PID1: variants seen among roughly 807,000 people sequenced by gnomAD.
The protein encoded by PID1 is phosphotyrosine interaction domain containing 1.
A neutral mutation model predicts 19.1 loss-of-function variants in PID1; 10 were observed. The ratio of observed to expected loss-of-function variants is 0.52; its 90% CI spans 0.32 to 0.89. The LOEUF (loss-of-function observed/expected upper bound fraction) is 0.89, where lower values mean the gene tolerates loss of function less well. Among genes scored for constraint, PID1 ranks in the 40% least tolerant of loss-of-function variants. The probability of loss-of-function intolerance (pLI) is 0.03; values close to 1 mark genes in which losing one functional copy is unlikely to be tolerated. For missense variants in PID1, 248 were observed against 285.3 expected (o/e 0.87, Z 0.94); for synonymous variants, 130 against 116.0 (o/e 1.12, Z -0.78).
intron 2 of PID1, among the ~76,000 whole-genome samples, chr2:229,095,615 C>A (rs2106223186): frequency 6.6e-6 from 1 of 152,230 alleles, no homozygotes; most frequent in South Asian, 2.1e-4. Context: ...AAGCAAATTT[C>A]TTTTCATATC....
intron 1 of PID1, among the ~76,000 whole-genome samples, chr2:229,210,636 G>A (rs937976338): frequency 1.4e-5 from 2 of 138,470 alleles, no homozygotes; most frequent in Admixed American, 1.5e-4. Context: ...AAAATTCAAA[G>A]AATGTAGCTT....
At chr2:229,113,509 CATATAT>C (rs3067619) in intron 2 of PID1, among the ~76,000 whole-genome samples, 1 of 138,204 alleles carries the variant, frequency 7.2e-6, no homozygotes, top group Non-Finnish European at 1.5e-5. Flanking sequence ...TGTGTGTATA[CATATAT>C]ATATATATAT....
intron 1 of PID1, among the ~76,000 whole-genome samples, chr2:229,215,189 GT>G (rs1691819292): frequency 6.6e-6 from 1 of 152,216 alleles, no homozygotes; most frequent in Non-Finnish European, 1.5e-5. Context: ...GCAGAGGGGA[GT>G]GGTGGGCAGG....
intron 2 of PID1, among the ~76,000 whole-genome samples, chr2:229,073,912 A>T (rs1269336116): frequency 6.6e-6 from 1 of 152,258 alleles, no homozygotes; most frequent in East Asian, 1.9e-4. Flanking sequence ...CAGGGAAATC[A>T]GTATGTATAA....
intron 2 of PID1, among the ~76,000 whole-genome samples, chr2:229,084,674 A>G (rs1403987772): frequency 6.6e-6 from 1 of 152,214 alleles, no homozygotes; most frequent in African/African-American, 2.4e-5. Context: ...TATTTGTTGT[A>G]TGACCATTAA....
intron 1 of PID1, among the ~76,000 whole-genome samples, chr2:229,219,500 G>A (rs1295278392): frequency 6.6e-6 from 1 of 152,152 alleles, no homozygotes; most frequent in African/African-American, 2.4e-5. Context: ...CAAAATGTGG[G>A]GATTATGGGA....
intron 2 of PID1, among the ~76,000 whole-genome samples, chr2:229,077,428 C>T (rs922777280): frequency 6.6e-6 from 1 of 152,152 alleles, no homozygotes; most frequent in Non-Finnish European, 1.5e-5. Flanking sequence ...GTTGCAATTG[C>T]TTTTGATGTT....
chr2:229,244,213 G>A (rs993640697), intron 1 of PID1, among the ~76,000 whole-genome samples: 2 of 152,044 alleles, frequency 1.3e-5, no homozygotes, highest in African/African-American at 4.8e-5. Context: ...GACAAACCAG[G>A]ATCCCTTGTT....
At position 229,118,815 on chromosome 2, in the gene PID1, C is replaced by A. The variant is rs565125925; in HGVS notation, c.177+37003G>T. 2.0e-5 allele frequency among the ~76,000 whole-genome samples: 3 copies of A among 152,110 alleles called. No individual in the cohort carries two copies. In the East Asian group the frequency reaches 5.8e-4, roughly 29 times the overall value. On this transcript the variant is annotated intron_variant, in intron 2 of 2. Coordinates refer to ENST00000392055, the MANE Select transcript of PID1 (RefSeq NM_001100818.2). ...AGGATCTTTGCCAATGAAGTGCTGTCTTTTTGAACAAGAGAAAAAAAACAA... is the reference window on the plus strand; with the variant it reads ...AGGATCTTTGCCAATGAAGTGCTGTATTTTTGAACAAGAGAAAAAAAACAA...
intron 1 of PID1, among the ~76,000 whole-genome samples, chr2:229,229,173 A>T (rs2106265409): frequency 6.6e-6 from 1 of 152,296 alleles, no homozygotes. Flanking sequence ...AAGTGAATGA[A>T]GGAATAAATG....
intron 1 of PID1, among the ~76,000 whole-genome samples, chr2:229,221,541 T>C (rs1050643629): frequency 6.6e-6 from 1 of 152,292 alleles, no homozygotes; most frequent in Non-Finnish European, 1.5e-5. Flanking sequence ...TGTTCATCAA[T>C]GCCTCTTTCC....
intron 2 of PID1, among the ~76,000 whole-genome samples, chr2:229,131,209 TTCTTTTCTTTTC>T (rs1193974905): frequency 2.0e-5 from 3 of 151,924 alleles, no homozygotes; most frequent in African/African-American, 4.8e-5. Context: ...TTCTTTTCTT[TTCTTTTCTTTTC>T]TCTTTTCTTT....
intron 1 of PID1, among the ~76,000 whole-genome samples, chr2:229,199,491 A>G (rs1172682652): frequency 6.6e-6 from 1 of 151,940 alleles, no homozygotes; most frequent in Admixed American, 6.6e-5. Flanking sequence ...GCCAACTTTT[A>G]ATAAATGTGC....
At chr2:229,144,424 C>G (rs535165499) in intron 2 of PID1, among the ~76,000 whole-genome samples, 1 of 152,016 alleles carries the variant, frequency 6.6e-6, no homozygotes, top group Non-Finnish European at 1.5e-5. Context: ...GATAGTCATA[C>G]GCCAAATTTG....
At chr2:229,122,214 T>C (rs149764469) in intron 2 of PID1, among the ~76,000 whole-genome samples, 280 of 152,356 alleles carry the variant, frequency 1.8e-3, no homozygotes, top group African/African-American at 6.5e-3. Flanking sequence ...AGGTCTCTTT[T>C]GTAAAAAGTG....
At chr2:229,206,071 G>A (rs1342826502) in intron 1 of PID1, among the ~76,000 whole-genome samples, 1 of 152,086 alleles carries the variant, frequency 6.6e-6, no homozygotes, top group African/African-American at 2.4e-5. Context: ...TAGATCCTGT[G>A]TGCTTTGGGT....
intron 2 of PID1, among the ~76,000 whole-genome samples, chr2:229,106,004 G>A (rs904626723): frequency 5.3e-5 from 8 of 149,982 alleles, no homozygotes; most frequent in Admixed American, 1.3e-4. Context: ...GAGTGAACCC[G>A]GGAGGTGGAG....
At chr2:229,170,781 A>C (rs1347983962) in intron 1 of PID1, among the ~76,000 whole-genome samples, 1 of 152,228 alleles carries the variant, frequency 6.6e-6, no homozygotes, top group East Asian at 1.9e-4. Context: ...CAAGAAACAC[A>C]AAGCAACCTC....
chr2:229,210,139 TAAAAAAAA>T (rs752450558), intron 1 of PID1, among the ~76,000 whole-genome samples: 2 of 133,160 alleles, frequency 1.5e-5, no homozygotes, highest in Non-Finnish European at 3.2e-5. Flanking sequence ...TACTTGAACT[TAAAAAAAA>T]AAAAAAAAGT....
Sources: gnomAD v4.1 joint callset for allele counts (sites outside exome capture counted in the v4.1 genomes callset) on GRCh38, gnomAD v4.1.1 for gene constraint, MANE v1.5 for transcripts, NCBI Gene and HGNC (gene_info 2026-07-23, HGNC 2026-07-21) for gene names.